The following CLN3 variants were observed in gnomAD, a reference collection of about 807,000 sequenced individuals.
The protein encoded by CLN3 is CLN3 lysosomal/endosomal transmembrane protein, battenin, also known as battenin.
CLN3 carries 49 observed loss-of-function variants against 60.7 expected under a neutral mutation model. The observed-to-expected ratio is 0.81, with a 90% CI of 0.64 to 1.02. CLN3 has a LOEUF of 1.02. CLN3 is among the 50% of genes least tolerant of loss of function. The pLI is 0.00. For missense variants in CLN3, 516 were observed against 557.4 expected, an observed-to-expected ratio of 0.93 and a Z score of 0.75; for synonymous variants, 256 against 245.8, an observed-to-expected ratio of 1.04 and a Z score of -0.39.
chr16:28,491,952 GACCCACCACGCCCCACCC>G, intron 1 of CLN3, 50 bp downstream of exon 1: 1 of 701,016 alleles, frequency 1.4e-6, no homozygotes, highest in Non-Finnish European at 2.5e-6. Context: ...AGCGCCCTAC[GACCCACCACGCCCCACCC>G]ATCGTACTCT....
intron 14 of CLN3, 121 bp downstream of exon 14, chr16:28,481,984 C>G (rs113300813): frequency 1.5e-6 from 1 of 672,718 alleles, no homozygotes; most frequent in Non-Finnish European, 2.5e-6. Flanking sequence ...GAGACTCTGT[C>G]TCAAAAAAAA....
intron 9 of CLN3, among the ~76,000 whole-genome samples, chr16:28,485,435 G>A (rs539337066): frequency 1.9e-4 from 29 of 150,544 alleles, no homozygotes; most frequent in Non-Finnish European, 1.5e-5. Flanking sequence ...AGGCATGGTG[G>A]CATGGGCCTG....
chr16:28,468,975 A>G, the CLN3 span, among the ~76,000 whole-genome samples: 201 of 113,060 alleles, frequency 1.8e-3, no homozygotes, highest in Non-Finnish European at 2.3e-3. Context: ...ACATTTCTAC[A>G]TCGATTCCTC....
In CLN3 at chr16:28,478,617, T is replaced by TAAAAAAA. The variant is rs766238150; in HGVS notation, c.1057-747_1057-741dup. Among the ~76,000 whole-genome samples, 482 of 74,336 alleles carry TAAAAAAA rather than the reference T, an allele frequency of 6.5e-3. 57 individuals carry two copies. Among genetic ancestry groups the TAAAAAAA allele is most frequent in the African/African-American group, 0.032 (419 of 13,082 alleles). The allele number at this position is 74,336 out of a possible 152,430, so 48.8% of individuals were successfully genotyped here. A position where few individuals can be genotyped will look rare whatever the true frequency, so the allele number is the denominator to read the frequency against. On this transcript the variant is annotated intron_variant, in intron 14 of 15. Coordinates refer to ENST00000636147, the MANE Select transcript of CLN3 (RefSeq NM_001042432.2). ...GGTGACAGAGCAAGATCCTGTCTCA[T>TAAAAAAA]AAAAAAAAAAAAAAAAAAAAAAAAA...
intron 1 of CLN3, 50 bp from the exon 2 acceptor site, chr16:28,491,885 C>A: frequency 7.8e-7 from 1 of 1,285,244 alleles, no homozygotes; most frequent in East Asian, 2.5e-5. Flanking sequence ...CCAGCTCCGG[C>A]TTGTCTAGGG....
rs764711492 is a variant in CLN3, at chr16:28,477,723, C to T, written c.1197+14G>A. The T allele has an allele frequency of 9.9e-6, 16 of 1,614,020 alleles. No homozygotes were observed. The highest frequency in any genetic ancestry group is 4.0e-5 in the African/African-American group (3 of 74,942). On this transcript the variant is annotated intron_variant, in intron 15 of 15. Coordinates refer to ENST00000636147, the MANE Select transcript of CLN3 (RefSeq NM_001042432.2). Reference sequence around the variant, plus strand: ...GGACAGGCCACCCCCAGCCCTTGCCCGGCCAATGCTGACCTCCAGGGCGAT... The same window carrying T: ...GGACAGGCCACCCCCAGCCCTTGCCTGGCCAATGCTGACCTCCAGGGCGAT...
Position 28,477,479 on chromosome 16 carries a change from C to T in CLN3, c.*37G>A. 1.9e-6 allele frequency: 3 copies of T among 1,611,788 alleles called. No individual in the cohort carries two copies. The highest frequency in any genetic ancestry group is 2.5e-6 in the Non-Finnish European group (3 of 1,179,958). ...GGTGTCTGACCTGTCCCTCTGCCCACAGGTGAATGTGACCTGCGTCCTGAG... is the reference window on the plus strand; with the variant it reads ...GGTGTCTGACCTGTCCCTCTGCCCATAGGTGAATGTGACCTGCGTCCTGAG... On this transcript the variant is annotated 3_prime_UTR_variant, in exon 16 of 16. Transcript: ENST00000636147.
downstream of CLN3, chr16:28,475,435 T>G (rs2045983262): frequency 6.6e-6 from 1 of 152,334 alleles, no homozygotes; most frequent in Non-Finnish European, 1.5e-5. Context: ...CTGGTGCTAC[T>G]ATTATCCCAT....
chr16:28,478,540 TAGG>T (rs1385052053), intron 14 of CLN3, among the ~76,000 whole-genome samples: 5 of 144,560 alleles, frequency 3.5e-5, no homozygotes, highest in African/African-American at 1.3e-4. Flanking sequence ...TGCTTGAACC[TAGG>T]AGGTGGAGGC....
At chr16:28,477,941 C>T in intron 14 of CLN3, 64 bp from the exon 15 acceptor site, 9 of 1,582,706 alleles carry the variant, frequency 5.7e-6, no homozygotes, top group Non-Finnish European at 7.8e-6. Context: ...AGGTGGCCTC[C>T]CCTCCAGGGG....
At chr16:28,472,337 T>C (rs1321520235), downstream of CLN3, among the ~76,000 whole-genome samples, 2 of 151,650 alleles carry the variant, frequency 1.3e-5, no homozygotes, top group Admixed American at 1.3e-4. Context: ...TACGGTGAGC[T>C]ATGATCACGC....
intron 9 of CLN3, among the ~76,000 whole-genome samples, chr16:28,485,610 A>G (rs1282820223): frequency 7.2e-6 from 1 of 138,072 alleles, no homozygotes; most frequent in Non-Finnish European, 1.5e-5. Context: ...GGGAGTCGCC[A>G]TGGTTCAGGC....
At chr16:28,473,630 A>G (rs2045969367), downstream of CLN3, among the ~76,000 whole-genome samples, 1 of 152,246 alleles carries the variant, frequency 6.6e-6, no homozygotes, top group Admixed American at 6.5e-5. Context: ...GACAATATCA[A>G]AAAAGTAAAA....
rs778196995 is a variant in CLN3, at chr16:28,486,504, C to T, written c.534-14G>A. 1.2e-6 allele frequency: 2 copies of T among 1,611,372 alleles called. No individual in the cohort carries two copies. Among genetic ancestry groups the T allele is most frequent in the Non-Finnish European group, 1.7e-6 (2 of 1,178,854 alleles). ...GAGATCACGGCCCTGGGAAGGAGAACACAGGAACATTCAGGAGGACCTAGG... is the reference window on the plus strand; with the variant it reads ...GAGATCACGGCCCTGGGAAGGAGAATACAGGAACATTCAGGAGGACCTAGG... On this transcript the variant is annotated splice_polypyrimidine_tract_variant and intron_variant, in intron 8 of 15. Coordinates refer to ENST00000636147, the MANE Select transcript of CLN3 (RefSeq NM_001042432.2).
Position 28,484,064 on chromosome 16 carries a change from T to C in CLN3, c.732A>G (p.Glu244=), listed in dbSNP as rs2141706967. The change falls in exon 10 of 16, where the codon GAA becomes GAG. Residue 244 remains glutamate (E), a synonymous_variant. Transcript: ENST00000636147. ...PEAQDPGGEE[E]AESAARQPLI... ...GGGGCTGCCGGGCTGCGCTCTCTGC[T>C]TCTTCTTCCCCTCCAGGGTCCTGGG... 3 of 1,612,824 alleles carry C rather than the reference T, an allele frequency of 1.9e-6. No individual in the cohort carries two copies. Among genetic ancestry groups the C allele is most frequent in the Non-Finnish European group, 1.7e-6 (2 of 1,179,532 alleles).
rs763180323 is a variant in CLN3 at position 28,477,509 on chromosome 16, C to T, written c.*7G>A. The T allele has an allele frequency of 9.3e-6, 15 of 1,612,842 alleles. 1 individual carries two copies. The South Asian group carries it at 1.5e-4, about 17-fold the overall frequency. On this transcript the variant is annotated 3_prime_UTR_variant, in exon 16 of 16. Transcript: ENST00000636147. ...GAATGTGACCTGCGTCCTGAGGATC[C>T]CGAGTATCAGGAGAGCTGGCAGAGG...
At chr16:28,489,664 T>C (rs1012907414) in intron 3 of CLN3, among the ~76,000 whole-genome samples, 8 of 151,990 alleles carry the variant, frequency 5.3e-5, no homozygotes, top group African/African-American at 1.9e-4. Flanking sequence ...GGTGGGAGGA[T>C]TGCTTGAGTC....
At chr16:28,489,901 T>C (rs1170525183) in intron 3 of CLN3, among the ~76,000 whole-genome samples, 2 of 149,992 alleles carry the variant, frequency 1.3e-5, no homozygotes, top group African/African-American at 4.9e-5. Flanking sequence ...TACTAAAAAA[T>C]ACAAAATTAG....
downstream of CLN3, chr16:28,469,882 C>G (rs1323357111): frequency 1.1e-5 from 3 of 277,474 alleles, no homozygotes; most frequent in African/African-American, 7.2e-5. Flanking sequence ...TGAGGCAGGA[C>G]AATTGCTTGA....
Sources: gnomAD v4.1 joint callset for allele counts (sites outside exome capture counted in the v4.1 genomes callset) on GRCh38, gnomAD v4.1.1 for gene constraint, MANE v1.5 for transcripts, NCBI Gene and HGNC (gene_info 2026-07-23, HGNC 2026-07-21) for gene names.